BSN: variants seen among roughly 807,000 people sequenced by gnomAD.
BSN encodes the protein bassoon presynaptic cytomatrix protein.
In BSN, 57 loss-of-function variants were observed where a neutral mutation model predicts 264.8. That is an observed-to-expected ratio of 0.22 (90% confidence interval 0.17 to 0.27). The LOEUF is 0.27. Ranked by LOEUF, BSN falls within the 10% of genes least tolerant of loss-of-function variation. The probability of loss-of-function intolerance (pLI) is 1.00; values close to 1 mark genes in which losing one functional copy is unlikely to be tolerated. For synonymous variants in BSN, 2,059 were observed against 2,137.3 expected (o/e 0.96, Z 1.01); for missense variants, 4,615 against 5,232.5 (o/e 0.88, Z 3.64).
At chr3:49,579,433 C>T (rs558904651) in intron 1 of BSN, among the ~76,000 whole-genome samples, 2 of 150,504 alleles carry the variant, frequency 1.3e-5, no homozygotes, top group South Asian at 2.1e-4. Context: ...GACGGAGTCT[C>T]GCACTGTTGC....
chr3:49,605,095 A>G (rs1238120601), intron 1 of BSN, among the ~76,000 whole-genome samples: 1 of 149,494 alleles, frequency 6.7e-6, no homozygotes, highest in South Asian at 2.1e-4. Context: ...CCCCATCTCT[A>G]CTAAAAATAC....
chr3:49,575,398 G>GTA (rs1191503487), intron 1 of BSN, among the ~76,000 whole-genome samples: 1 of 146,724 alleles, frequency 6.8e-6, no homozygotes, highest in African/African-American at 2.5e-5. Context: ...ATATATGTGT[G>GTA]TATATATATG....
At chr3:49,622,286 A>T (rs1440895664) in intron 1 of BSN, among the ~76,000 whole-genome samples, 1 of 152,326 alleles carries the variant, frequency 6.6e-6, no homozygotes. Flanking sequence ...GGAAGCATCT[A>T]GGAAGATGGG....
At chr3:49,570,496 T>G (rs977624961) in intron 1 of BSN, among the ~76,000 whole-genome samples, 5 of 152,136 alleles carry the variant, frequency 3.3e-5, no homozygotes, top group Admixed American at 1.3e-4. Context: ...GTTTGAGCCG[T>G]GGAAACAGAG....
In BSN at chr3:49,642,543, T is replaced by C; in HGVS notation, c.909T>C (p.Ser303=). The C allele has an allele frequency of 6.3e-7, 1 of 1,591,258 alleles. No homozygotes were observed. Among genetic ancestry groups the C allele is most frequent in the Non-Finnish European group, 8.6e-7 (1 of 1,166,388 alleles). The change falls in exon 3 of 12, where the codon TCT becomes TCC. Residue 303 remains serine, a synonymous_variant. Coordinates refer to ENST00000296452, the MANE Select transcript of BSN (RefSeq NM_003458.4). The surrounding 1 kb of genome is among the most constrained non-coding windows in gnomAD (Gnocchi z 7.0). The part of the protein sequence containing the change: ...AAAPPEVGRV[S]PQPPQPTKPS... ...CCCCTCCAGAGGTGGGGAGGGTGTC[T>C]CCTCAGCCCCCTCAACCCACCAAGC...
chr3:49,598,955 A>G (rs2052049195), intron 1 of BSN, among the ~76,000 whole-genome samples: 1 of 152,146 alleles, frequency 6.6e-6, no homozygotes, highest in African/African-American at 2.4e-5. Context: ...GGCTGCTATC[A>G]CAGTTCAAGG....
intron 3 of BSN, among the ~76,000 whole-genome samples, chr3:49,647,928 C>T (rs2052512334): frequency 1.3e-5 from 2 of 152,240 alleles, no homozygotes; most frequent in Non-Finnish European, 1.5e-5. Context: ...TTATTTTTAG[C>T]CCTTACTTCA....
rs1355680833 is a variant in BSN at position 49,655,541 on chromosome 3, C to A, written c.5985C>A (p.Asn1995Lys). Residue 1995 changes from asparagine (N) to lysine (K), a missense_variant, in exon 5 of 12, where the codon AAC becomes AAA. Asn to Lys is a moderately conservative substitution (Grantham distance 94, BLOSUM62 0). This residue lies in a region of BSN where 3,415 missense variants were observed against 3,866.4 expected (regional missense o/e 0.88). Coordinates refer to ENST00000296452, the MANE Select transcript of BSN (RefSeq NM_003458.4). ...SDTNLAEAGL[N>K]YHAQRIGQLF... ...CCAATTTGGCTGAGGCTGGCCTCAA[C>A]TACCATGCCCAGAGGATCGGGCAGC... 7 of 1,612,454 alleles carry A rather than the reference C, an allele frequency of 4.3e-6. No individual in the cohort carries two copies. The highest frequency in any genetic ancestry group is 5.9e-6 in the Non-Finnish European group (7 of 1,179,394).
At chr3:49,570,692 C>T (rs2051789016) in intron 1 of BSN, among the ~76,000 whole-genome samples, 1 of 152,150 alleles carries the variant, frequency 6.6e-6, no homozygotes, top group Admixed American at 6.6e-5. Flanking sequence ...GTGAGGAAAG[C>T]AAACATGTTC....
intron 2 of BSN, among the ~76,000 whole-genome samples, chr3:49,631,836 C>G (rs2052386241): frequency 6.6e-6 from 1 of 152,138 alleles, no homozygotes; most frequent in Non-Finnish European, 1.5e-5. Flanking sequence ...TAAAACACCC[C>G]TCTGATGCAA....
rs2052599285 is a variant in BSN at position 49,656,326 on chromosome 3, G to A, written c.6770G>A (p.Gly2257Glu). Reference sequence around the variant, plus strand: ...CCCCGGGTACCTCTTGGACCCACAGGGCTGTACCGCTATCCTGCACCAAGT... The same window carrying A: ...CCCCGGGTACCTCTTGGACCCACAGAGCTGTACCGCTATCCTGCACCAAGT... The part of the protein sequence containing the change: ...IAPRVPLGPT[G>E]LYRYPAPSRF... Residue 2257 changes from glycine (G) to glutamate (E), a missense_variant, in exon 5 of 12, where the codon GGG (glycine) becomes GAG (glutamate). Gly to Glu is a moderately conservative substitution (Grantham distance 98). Around this residue, in one of 3 missense-constraint regions of BSN, gnomAD observed 3,415 missense variants for 3,866.4 expected, o/e 0.88. Coordinates refer to ENST00000296452, the MANE Select transcript of BSN (RefSeq NM_003458.4). The A allele has an allele frequency of 6.2e-7, 1 of 1,612,784 alleles. No homozygotes were observed. Among genetic ancestry groups the A allele is most frequent in the Non-Finnish European group, 8.5e-7 (1 of 1,179,710 alleles).
chr3:49,570,117 A>G (rs2051784562), intron 1 of BSN, among the ~76,000 whole-genome samples: 1 of 152,194 alleles, frequency 6.6e-6, no homozygotes, highest in African/African-American at 2.4e-5. Flanking sequence ...GGACTTTCCC[A>G]ATGGCCAAGC....
At position 49,643,072 on chromosome 3, in the gene BSN, G is replaced by A. The variant is rs776403630; in HGVS notation, c.1438G>A (p.Ala480Thr). 8.1e-6 allele frequency: 13 copies of A among 1,614,026 alleles called. No homozygotes were observed. The highest frequency in any genetic ancestry group is 1.0e-5 in the Non-Finnish European group (12 of 1,180,040). Residue 480 changes from alanine to threonine, a missense_variant, in exon 3 of 12, where the codon GCC becomes ACC. This residue lies in a region of BSN where 1,197 missense variants were observed against 1,348.0 expected (regional missense o/e 0.89). Transcript: ENST00000296452. ...GCTCAACGTGGGCAGCAAGAGCCCA[G>A]CCAACTATAACACATGCACCACCTG... ...AELNVGSKSP[A>T]NYNTCTTCRL...
At chr3:49,582,060 C>T (rs34890793) in intron 1 of BSN, among the ~76,000 whole-genome samples, 122,877 of 152,136 alleles carry the variant, frequency 0.81, 50,328 homozygotes, top group East Asian at 0.99. Flanking sequence ...CTTTTCGAGG[C>T]GCTGCCAAAA....
rs1403448455 is a variant in BSN at position 49,653,292 on chromosome 3, G to C, written c.3736G>C (p.Glu1246Gln). Reference protein sequence around the residue: ...EYGQAAQPAAEGTPASLGAAV... With the variant: ...EYGQAAQPAAQGTPASLGAAV... Reference sequence around the variant, plus strand: ...TGGCCAGGCTGCTCAGCCTGCCGCAGAGGGCACGCCAGCCAGCCTGGGAGC... The same window carrying C: ...TGGCCAGGCTGCTCAGCCTGCCGCACAGGGCACGCCAGCCAGCCTGGGAGC... Residue 1246 changes from glutamate (E) to glutamine (Q), a missense_variant, in exon 5 of 12, where the codon GAG (glutamate) becomes CAG (glutamine). By Grantham distance (29) the Glu-to-Gln change is conservative. Coordinates refer to ENST00000296452, the MANE Select transcript of BSN (RefSeq NM_003458.4). The surrounding 1 kb of genome is among the most constrained non-coding windows in gnomAD (Gnocchi z 6.3). 1 of 1,612,522 alleles carries C rather than the reference G, an allele frequency of 6.2e-7. No individual in the cohort carries two copies. Among genetic ancestry groups the C allele is most frequent in the Non-Finnish European group, 8.5e-7 (1 of 1,179,860 alleles).
Position 49,655,742 on chromosome 3 carries a change from C to G in BSN, c.6186C>G (p.Ser2062Arg), listed in dbSNP as rs1435088844. 17 of 1,613,378 alleles carry G rather than the reference C, an allele frequency of 1.1e-5. No individual in the cohort carries two copies. The highest frequency in any genetic ancestry group is 1.4e-5 in the Non-Finnish European group (17 of 1,180,050). ...ACCCGCTTCCCATGCGGCGCTATAGCTCAGTGTCGAACATCTACTCAGACC... is the reference window on the plus strand; with the variant it reads ...ACCCGCTTCCCATGCGGCGCTATAGGTCAGTGTCGAACATCTACTCAGACC... The part of the protein sequence containing the change: ...LAHPLPMRRY[S>R]SVSNIYSDHR... The change falls in exon 5 of 12, where the codon AGC becomes AGG. Residue 2062 changes from serine to arginine, a missense_variant. Transcript: ENST00000296452.
chr3:49,554,677 GGGCCCCGGCCCC>G lies in BSN; in HGVS notation c.85_96del (p.Pro29_Gly32del), dbSNP rs1204153339. On this transcript the variant is annotated inframe_deletion, in exon 1 of 12. Transcript: ENST00000296452. ...CGCCCGGCGGCGCCGGCCCCGGCCCGGGCCCCGGCCCCGGCCCCGGCGCAGGAAAGCCGCCTT... is the reference window on the plus strand; with the variant it reads ...CGCCCGGCGGCGCCGGCCCCGGCCCGGGCCCCGGCGCAGGAAAGCCGCCTT... 6 of 1,018,572 alleles carry G rather than the reference GGGCCCCGGCCCC, an allele frequency of 5.9e-6. No individual in the cohort carries two copies. The highest frequency in any genetic ancestry group is 1.7e-5 in the African/African-American group (1 of 57,314). 63.1% of individuals were successfully genotyped at this position (1,018,572 alleles called of 1,614,324 possible).
At chr3:49,608,829 GGA>G (rs1559604386) in intron 1 of BSN, among the ~76,000 whole-genome samples, 19 of 131,698 alleles carry the variant, frequency 1.4e-4, no homozygotes, top group Middle Eastern at 3.8e-3. Context: ...CTCCGTCTCG[GGA>G]AAAAAAAAAA....
chr3:49,651,659 G>A lies in BSN; in HGVS notation c.2103G>A (p.Val701=). The A allele has an allele frequency of 1.2e-6, 2 of 1,614,138 alleles. No individual in the cohort carries two copies. The highest frequency in any genetic ancestry group is 3.3e-5 in the Admixed American group (2 of 60,026). ...SSSQSEITGV[V]QQEVEQLDSA... ...CCCAGAGTGAGATCACAGGAGTCGT[G>A]CAGCAGGAGGTGGAACAGCTGGACA... is the stretch of plus-strand genomic sequence containing the variant. The change falls in exon 5 of 12, where the codon GTG becomes GTA. Residue 701 remains valine (V), a synonymous_variant. Coordinates refer to ENST00000296452, the MANE Select transcript of BSN (RefSeq NM_003458.4). This position sits in a 1 kb window ranked among gnomAD's most constrained non-coding sequence, Gnocchi z 5.4.
Sources: gnomAD v4.1 joint callset for allele counts (sites outside exome capture counted in the v4.1 genomes callset) on GRCh38, gnomAD v4.1.1 for gene constraint, gnomAD v4.1.1 regional missense constraint, Gnocchi (gnomAD v3.1) non-coding constraint, MANE v1.5 for transcripts, NCBI Gene and HGNC (gene_info 2026-07-23, HGNC 2026-07-21) for gene names.